MAMDC2: variants seen among roughly 807,000 people sequenced by gnomAD.
MAMDC2 encodes the protein MAM domain-containing protein 2.
A neutral mutation model predicts 89.8 loss-of-function variants in MAMDC2; 57 were observed. The ratio of observed to expected loss-of-function variants is 0.63; its 90% CI spans 0.51 to 0.79. The LOEUF (loss-of-function observed/expected upper bound fraction) is 0.79. Ranked by LOEUF, MAMDC2 falls within the 30% of genes least tolerant of loss-of-function variation. The pLI is 0.00. For missense variants in MAMDC2, 800 were observed against 820.6 expected (o/e 0.97, Z 0.31); for synonymous variants, 313 against 293.4 (o/e 1.07, Z -0.68).
In MAMDC2 at chr9:70,068,385, A is replaced by G. The variant is rs116206661; in HGVS notation, c.148+23688A>G. Among the ~76,000 whole-genome samples, 746 of 152,126 alleles carry G rather than the reference A, an allele frequency of 4.9e-3. 2 individuals carry two copies. The highest frequency in any genetic ancestry group is 0.016 in the African/African-American group (660 of 41,512). ...GGAGCACTGGGCTGGATAGGATTCA[A>G]TGACAGTGGAGGCAGGGACCTTTTC... On this transcript the variant is annotated intron_variant, in intron 2 of 13. Coordinates refer to ENST00000377182, the MANE Select transcript of MAMDC2 (RefSeq NM_153267.5).
intron 2 of MAMDC2, among the ~76,000 whole-genome samples, chr9:70,066,956 C>T (rs982580067): frequency 2.0e-5 from 3 of 152,138 alleles, no homozygotes; most frequent in Non-Finnish European, 2.9e-5. Flanking sequence ...CAGGTGGGTT[C>T]CCTAGAAGCA....
chr9:70,190,096 A>G (rs1405719820), intron 11 of MAMDC2, among the ~76,000 whole-genome samples: 1 of 152,136 alleles, frequency 6.6e-6, no homozygotes, highest in African/African-American at 2.4e-5. Flanking sequence ...TTCCTCAGGG[A>G]TAACTTCTAT....
intron 7 of MAMDC2, among the ~76,000 whole-genome samples, chr9:70,135,843 T>C (rs2030981925): frequency 6.6e-6 from 1 of 152,118 alleles, no homozygotes; most frequent in Non-Finnish European, 1.5e-5. Flanking sequence ...ACATTTTCAT[T>C]GCCCTAAAAA....
At chr9:70,044,319 T>C in intron 1 of MAMDC2, 88 bp downstream of exon 1, 1 of 1,439,168 alleles carries the variant, frequency 6.9e-7, no homozygotes, top group Non-Finnish European at 9.6e-7. Context: ...CTCACCGTGC[T>C]GGGCTGGGCC....
At chr9:70,181,414 T>C (rs1428953952) in intron 11 of MAMDC2, among the ~76,000 whole-genome samples, 1 of 152,208 alleles carries the variant, frequency 6.6e-6, no homozygotes, top group East Asian at 1.9e-4. Context: ...TTGATGGGAA[T>C]AGCATTGAAT....
intron 2 of MAMDC2, among the ~76,000 whole-genome samples, chr9:70,079,682 T>C: frequency 6.6e-6 from 1 of 152,192 alleles, no homozygotes; most frequent in East Asian, 1.9e-4. Context: ...GCTACTTGTT[T>C]ATTCTCAGAT....
At chr9:70,162,703 G>A (rs909077843) in intron 9 of MAMDC2, among the ~76,000 whole-genome samples, 7 of 151,958 alleles carry the variant, frequency 4.6e-5, no homozygotes, top group Non-Finnish European at 8.8e-5. Flanking sequence ...TGTTGCTCAG[G>A]CTGGTCTCGA....
At chr9:70,104,020 A>G (rs774303713) in intron 2 of MAMDC2, among the ~76,000 whole-genome samples, 27 of 152,288 alleles carry the variant, frequency 1.8e-4, no homozygotes, top group Middle Eastern at 6.8e-3. Context: ...CAAAGCACAG[A>G]ATGGGAAAAA....
intron 9 of MAMDC2, among the ~76,000 whole-genome samples, chr9:70,161,358 G>A (rs1033252929): frequency 3.9e-5 from 6 of 152,112 alleles, no homozygotes; most frequent in Non-Finnish European, 7.4e-5. Flanking sequence ...GATCTCTGTC[G>A]CTTGTAAGAG....
intron 5 of MAMDC2, among the ~76,000 whole-genome samples, chr9:70,114,407 T>C (rs2029881570): frequency 6.6e-6 from 1 of 151,606 alleles, no homozygotes; most frequent in African/African-American, 2.4e-5. Context: ...GATTTTTTTG[T>C]GTGTGTGAAA....
At chr9:70,061,190 A>G (rs1012904550) in intron 2 of MAMDC2, among the ~76,000 whole-genome samples, 3 of 152,176 alleles carry the variant, frequency 2.0e-5, no homozygotes, top group Admixed American at 6.5e-5. Context: ...GCCATTTATC[A>G]TGGGCCCCTA....
intron 9 of MAMDC2, among the ~76,000 whole-genome samples, chr9:70,164,283 G>A (rs974658746): frequency 6.6e-6 from 1 of 152,140 alleles, no homozygotes; most frequent in Non-Finnish European, 1.5e-5. Flanking sequence ...ACTCTGTTGT[G>A]GATTTTAAAA....
At chr9:70,128,251 A>G (rs1477876037) in intron 6 of MAMDC2, among the ~76,000 whole-genome samples, 1 of 152,222 alleles carries the variant, frequency 6.6e-6, no homozygotes, top group African/African-American at 2.4e-5. Context: ...CATGCTGATC[A>G]GGAATAGCAT....
At chr9:70,188,245 A>AT in intron 11 of MAMDC2, among the ~76,000 whole-genome samples, 1 of 152,184 alleles carries the variant, frequency 6.6e-6, no homozygotes. Context: ...TAGTTGGATC[A>AT]TTTTTTCAAT....
chr9:70,131,790 G>C (rs555570766), intron 7 of MAMDC2, among the ~76,000 whole-genome samples, 178 bp downstream of exon 7: 1 of 152,244 alleles, frequency 6.6e-6, no homozygotes, highest in East Asian at 1.9e-4. Flanking sequence ...CTCCCTCACA[G>C]AGGGAATCTA....
At chr9:70,081,354 G>A (rs1279334396) in intron 2 of MAMDC2, 2 of 152,170 alleles carry the variant, frequency 1.3e-5, no homozygotes, top group South Asian at 4.1e-4. Context: ...TCTGTGAGTG[G>A]AGAGCTGACT....
In MAMDC2 at chr9:70,096,838, G is replaced by T. The variant is rs140898365; in HGVS notation, c.149-11373G>T. On this transcript the variant is annotated intron_variant, in intron 2 of 13. Coordinates refer to ENST00000377182, the MANE Select transcript of MAMDC2 (RefSeq NM_153267.5). ...TAGGGGCAAAACTATTAAAGGGGGG[G>T]ATCAAGGAATCCAGAGGAAAAGAAC... Among the ~76,000 whole-genome samples, 86 of 152,206 alleles carry T rather than the reference G, an allele frequency of 5.7e-4. 3 individuals carry two copies. In the East Asian group the frequency reaches 0.014, roughly 24 times the overall value.
chr9:70,067,456 C>T (rs1245985545), intron 2 of MAMDC2, among the ~76,000 whole-genome samples: 1 of 152,160 alleles, frequency 6.6e-6, no homozygotes, highest in Admixed American at 6.5e-5. Context: ...CGGGCAGCTA[C>T]CAACAATCCC....
At chr9:70,182,380 A>G (rs541882444) in intron 11 of MAMDC2, among the ~76,000 whole-genome samples, 37 of 152,326 alleles carry the variant, frequency 2.4e-4, no homozygotes, top group Middle Eastern at 6.8e-3. Context: ...AAAATGAATT[A>G]GGGAGGAGTC....
Sources: gnomAD v4.1 joint callset for allele counts (sites outside exome capture counted in the v4.1 genomes callset) on GRCh38, gnomAD v4.1.1 for gene constraint, MANE v1.5 for transcripts, NCBI Gene and HGNC (gene_info 2026-07-23, HGNC 2026-07-21) for gene names.